Variants in ATP8B4 observed in about 807,000 individuals in gnomAD.
ATP8B4 encodes the protein probable phospholipid-transporting ATPase IM.
ATP8B4 carries 133 observed loss-of-function variants against 145.6 expected under a neutral mutation model. That is an observed-to-expected ratio of 0.91 (90% CI 0.79 to 1.05). ATP8B4 has a LOEUF of 1.05. ATP8B4 is among the 50% of genes least tolerant of loss of function. ATP8B4 has a pLI of 0.00. For synonymous variants in ATP8B4, 507 were observed against 492.9 expected, an observed-to-expected ratio of 1.03 and a Z score of -0.38; for missense variants, 1,458 against 1,425.2, an observed-to-expected ratio of 1.02 and a Z score of -0.37.
intron 1 of ATP8B4, among the ~76,000 whole-genome samples, chr15:50,177,165 T>C (rs1213581195): frequency 6.6e-6 from 1 of 152,224 alleles, no homozygotes; most frequent in African/African-American, 2.4e-5. Flanking sequence ...GTACCAAGTA[T>C]GTAATGTCAC....
chr15:50,083,221 T>C (rs2054672083), intron 2 of ATP8B4, among the ~76,000 whole-genome samples: 1 of 152,290 alleles, frequency 6.6e-6, no homozygotes, highest in African/African-American at 2.4e-5. Flanking sequence ...TCCTCTCTCC[T>C]TGGAGACTTT....
intron 1 of ATP8B4, chr15:50,113,194 T>C (rs1398295110): frequency 6.6e-6 from 1 of 152,288 alleles, no homozygotes; most frequent in African/African-American, 2.4e-5. Context: ...ACCCAAAATA[T>C]TACCTGCAGC....
intron 2 of ATP8B4, among the ~76,000 whole-genome samples, chr15:50,078,184 T>A (rs1199571867): frequency 6.6e-6 from 1 of 151,840 alleles, no homozygotes; most frequent in Admixed American, 6.6e-5. Context: ...ATGCTCTTTT[T>A]TTTTTTGACA....
intron 23 of ATP8B4, among the ~76,000 whole-genome samples, chr15:49,887,183 T>C (rs2036289431): frequency 6.6e-6 from 1 of 151,986 alleles, no homozygotes; most frequent in Non-Finnish European, 1.5e-5. Flanking sequence ...CAAATAGTTA[T>C]TCTAGTAAAT....
At chr15:49,938,260 T>C (rs2041891259) in intron 14 of ATP8B4, among the ~76,000 whole-genome samples, 1 of 152,108 alleles carries the variant, frequency 6.6e-6, no homozygotes, top group Non-Finnish European at 1.5e-5. Context: ...GACAGTTTCA[T>C]GGTAGGGTCA....
chr15:50,025,296 T>A (rs1019349472), intron 6 of ATP8B4, among the ~76,000 whole-genome samples: 2 of 152,192 alleles, frequency 1.3e-5, no homozygotes, highest in Non-Finnish European at 2.9e-5. Flanking sequence ...ACACAATCTC[T>A]CTGTTATGAG....
intron 20 of ATP8B4, among the ~76,000 whole-genome samples, chr15:49,903,480 A>G (rs1161599475): frequency 6.6e-6 from 1 of 152,262 alleles, no homozygotes; most frequent in Non-Finnish European, 1.5e-5. Flanking sequence ...CTACAAGCAC[A>G]GCAAAGCATA....
At chr15:49,991,482 A>G (rs950718928) in intron 9 of ATP8B4, among the ~76,000 whole-genome samples, 2 of 152,188 alleles carry the variant, frequency 1.3e-5, no homozygotes. Context: ...ATAATAATTG[A>G]CAAGTATTTC....
At chr15:50,180,598 A>G (rs1451738689) in intron 1 of ATP8B4, among the ~76,000 whole-genome samples, 1 of 152,224 alleles carries the variant, frequency 6.6e-6, no homozygotes, top group Non-Finnish European at 1.5e-5. Context: ...AGAAGCGATT[A>G]GCCATCAAGG....
rs565447101 is a variant in ATP8B4 at position 49,931,661 on chromosome 15, A to T, written c.1454-354T>A. ...TTTGTAAACTAAAACATTTTAATATATATTAACCCAAATAATCCTCAGGGC... is the reference window on the plus strand; with the variant it reads ...TTTGTAAACTAAAACATTTTAATATTTATTAACCCAAATAATCCTCAGGGC... On this transcript the variant is annotated intron_variant, in intron 15 of 27. Transcript: ENST00000284509. 2.6e-5 allele frequency among the ~76,000 whole-genome samples: 4 copies of T among 152,190 alleles called. No individual in the cohort carries two copies. The South Asian group carries it at 8.3e-4, about 32-fold the overall frequency.
intron 16 of ATP8B4, among the ~76,000 whole-genome samples, chr15:49,926,767 G>A (rs1599188678): frequency 6.6e-6 from 1 of 152,232 alleles, no homozygotes; most frequent in South Asian, 2.1e-4. Context: ...CAGAAGCTAT[G>A]CCTTTGTGAC....
chr15:50,033,632 G>T (rs1194228292), intron 6 of ATP8B4, among the ~76,000 whole-genome samples: 2 of 152,150 alleles, frequency 1.3e-5, no homozygotes, highest in East Asian at 3.8e-4. Flanking sequence ...GTGATGCTGA[G>T]GTTTGGGATA....
chr15:50,019,282 A>G (rs2049340885), intron 6 of ATP8B4, among the ~76,000 whole-genome samples: 1 of 152,184 alleles, frequency 6.6e-6, no homozygotes, highest in Non-Finnish European at 1.5e-5. Context: ...ACTTGAGTCA[A>G]AGCTTCAGAA....
chr15:49,931,272 C>G lies in ATP8B4; in HGVS notation c.1489G>C (p.Gly497Arg). Residue 497 changes from glycine to arginine, a missense_variant, in exon 16 of 28, where the codon GGG (glycine) becomes CGG (arginine). By Grantham distance (125) the Gly-to-Arg change is moderately radical. Coordinates refer to ENST00000284509, the MANE Select transcript of ATP8B4 (RefSeq NM_024837.4). ...TTTCTAGCGGCAGTCACTAGAGCCC[C>G]TTCATCAGGTGACTGAACTTGGTAA... The part of the protein sequence containing the change: ...LIYQVQSPDE[G>R]ALVTAARNFG... The G allele has an allele frequency of 6.2e-7, 1 of 1,612,534 alleles. No homozygotes were observed.
intron 11 of ATP8B4, among the ~76,000 whole-genome samples, chr15:49,980,575 TA>T (rs559326046): frequency 1.1e-4 from 16 of 149,602 alleles, no homozygotes; most frequent in East Asian, 7.8e-4. Flanking sequence ...GAATCAGAAG[TA>T]AAAAAAAAAT....
At chr15:49,961,597 A>G (rs1034763486) in intron 14 of ATP8B4, among the ~76,000 whole-genome samples, 1 of 152,216 alleles carries the variant, frequency 6.6e-6, no homozygotes, top group Non-Finnish European at 1.5e-5. Flanking sequence ...AATACCATTC[A>G]GCCATTAAAA....
At chr15:50,153,493 C>T (rs147030865) in intron 1 of ATP8B4, among the ~76,000 whole-genome samples, 2,801 of 152,244 alleles carry the variant, frequency 0.018, 40 homozygotes, top group Middle Eastern at 0.031. Context: ...CGCCTGCCAC[C>T]GTGCCCAGCT....
chr15:50,033,104 T>G (rs574367154), intron 6 of ATP8B4, among the ~76,000 whole-genome samples: 1 of 152,324 alleles, frequency 6.6e-6, no homozygotes, highest in East Asian at 1.9e-4. Flanking sequence ...ACACCAGACT[T>G]GGAAAGTGCA....
intron 10 of ATP8B4, among the ~76,000 whole-genome samples, chr15:49,986,908 C>T (rs982824106): frequency 1.4e-5 from 2 of 148,008 alleles, no homozygotes; most frequent in Non-Finnish European, 3.0e-5. Flanking sequence ...ACCCACTCTC[C>T]TATTTACAAA....
Sources: allele counts gnomAD v4.1 joint callset (sites outside exome capture counted in the v4.1 genomes callset), GRCh38; gene constraint gnomAD v4.1.1; transcripts MANE v1.5; gene names NCBI Gene and HGNC (gene_info 2026-07-23, HGNC 2026-07-21).